Variants in SUGCT observed in about 807,000 individuals in gnomAD.
SUGCT encodes the protein succinyl-CoA:glutarate-CoA transferase.
In SUGCT, 41 loss-of-function variants were observed where a neutral mutation model predicts 55.0. The ratio of observed to expected loss-of-function variants is 0.74; its 90% confidence interval spans 0.58 to 0.97. The LOEUF is 0.97. Ranked by LOEUF, SUGCT falls within the 50% of genes least tolerant of loss-of-function variation. The pLI is 0.00. For missense variants in SUGCT, 568 were observed against 547.8 expected (o/e 1.04, Z -0.37); for synonymous variants, 187 against 200.4 (o/e 0.93, Z 0.56).
At chr7:40,368,194 T>G (rs35718025) in intron 9 of SUGCT, among the ~76,000 whole-genome samples, 1 of 152,102 alleles carries the variant, frequency 6.6e-6, no homozygotes, top group African/African-American at 2.4e-5. Flanking sequence ...TTTTATTTTG[T>G]GATTATTTAT....
chr7:40,797,065 C>A (rs933214461), intron 13 of SUGCT, among the ~76,000 whole-genome samples: 1 of 152,090 alleles, frequency 6.6e-6, no homozygotes, highest in Non-Finnish European at 1.5e-5. Context: ...TGCTCATGAC[C>A]AAGTTTCCTC....
downstream of SUGCT, among the ~76,000 whole-genome samples, chr7:40,864,165 C>G (rs1339461809): frequency 6.6e-6 from 1 of 152,112 alleles, no homozygotes; most frequent in East Asian, 1.9e-4. Flanking sequence ...CTGAAAGTTC[C>G]TTTCAACATC....
chr7:40,365,341 G>T (rs1037122575), intron 9 of SUGCT, among the ~76,000 whole-genome samples: 1 of 151,786 alleles, frequency 6.6e-6, no homozygotes, highest in African/African-American at 2.4e-5. Context: ...CATTCCCTTT[G>T]AAAACTGGCA....
chr7:40,671,047 G>A (rs1801913175), intron 12 of SUGCT, among the ~76,000 whole-genome samples: 1 of 152,280 alleles, frequency 6.6e-6, no homozygotes, highest in African/African-American at 2.4e-5. Flanking sequence ...TATATACCAT[G>A]ACTAAATTGG....
chr7:40,676,856 A>T (rs1409617547), intron 12 of SUGCT, among the ~76,000 whole-genome samples: 1 of 151,678 alleles, frequency 6.6e-6, no homozygotes, highest in East Asian at 1.9e-4. Context: ...AAAAATTGTT[A>T]TAAAAACCAA....
the SUGCT span, among the ~76,000 whole-genome samples, chr7:40,894,081 C>T: frequency 6.7e-6 from 1 of 149,236 alleles, no homozygotes; most frequent in Admixed American, 6.7e-5. Flanking sequence ...AGCTATACTA[C>T]AAGGTTAAGT....
chr7:41,009,622 C>T, the SUGCT span, among the ~76,000 whole-genome samples: 7 of 151,646 alleles, frequency 4.6e-5, no homozygotes, highest in Non-Finnish European at 8.8e-5. Context: ...CTTCCATCCA[C>T]CATCCACCCT....
intron 12 of SUGCT, among the ~76,000 whole-genome samples, chr7:40,621,943 C>T (rs1306236383): frequency 6.6e-6 from 1 of 152,158 alleles, no homozygotes; most frequent in Non-Finnish European, 1.5e-5. Context: ...TTACCTTTGT[C>T]ACAGGCATTT....
rs116348081 is a variant in SUGCT at position 40,224,687 on chromosome 7, G to C, written c.485-12948G>C. Among the ~76,000 whole-genome samples, 884 of 152,240 alleles carry C rather than the reference G, an allele frequency of 5.8e-3. 11 individuals carry two copies. Among genetic ancestry groups the C allele is most frequent in the African/African-American group, 0.02 (815 of 41,550 alleles). On this transcript the variant is annotated intron_variant, in intron 6 of 13. Transcript: ENST00000335693. ...ACATCATAGGCATGCATGGAATACTGTAAATGGCAAAAATATGCACCAGTC... is the reference window on the plus strand; with the variant it reads ...ACATCATAGGCATGCATGGAATACTCTAAATGGCAAAAATATGCACCAGTC...
chr7:40,956,044 G>T, the SUGCT span, among the ~76,000 whole-genome samples: 6 of 152,172 alleles, frequency 3.9e-5, no homozygotes, highest in Non-Finnish European at 5.9e-5. Context: ...ATTTTATTGA[G>T]AATTTTTGCA....
At chr7:40,414,791 C>T (rs1326190843) in intron 9 of SUGCT, among the ~76,000 whole-genome samples, 1 of 151,988 alleles carries the variant, frequency 6.6e-6, no homozygotes, top group Non-Finnish European at 1.5e-5. Context: ...GCCTGTAATT[C>T]CAGCACTTTG....
At chr7:40,872,097 C>G in the SUGCT span, among the ~76,000 whole-genome samples, 1 of 152,084 alleles carries the variant, frequency 6.6e-6, no homozygotes, top group East Asian at 1.9e-4. Context: ...TGATAAACAT[C>G]CAGCAATGCA....
At chr7:40,741,635 A>G (rs530701958) in intron 12 of SUGCT, among the ~76,000 whole-genome samples, 68 of 152,338 alleles carry the variant, frequency 4.5e-4, no homozygotes, top group Middle Eastern at 3.4e-3. Context: ...TGTTGCATGA[A>G]GAGATGGGTT....
Position 40,727,766 on chromosome 7 carries a change from G to A in SUGCT, c.1090-21668G>A, listed in dbSNP as rs76150672. Among the ~76,000 whole-genome samples, 1,418 of 152,264 alleles carry A rather than the reference G, an allele frequency of 9.3e-3. 16 individuals carry two copies. Among genetic ancestry groups the A allele is most frequent in the African/African-American group, 0.032 (1,333 of 41,558 alleles). On this transcript the variant is annotated intron_variant, in intron 12 of 13. Coordinates refer to ENST00000335693, the MANE Select transcript of SUGCT (RefSeq NM_001193313.2). ...TTTGTAAACCTAGGAAAATGCTGTA[G>A]TTCTAGTGCCTATTAAGAAAGAAGT...
In SUGCT at chr7:40,371,397, G is replaced by A. The variant is rs575884972; in HGVS notation, c.816+54542G>A. 2.6e-5 allele frequency among the ~76,000 whole-genome samples: 4 copies of A among 152,240 alleles called. No homozygotes were observed. In the South Asian group the frequency reaches 8.3e-4, roughly 32 times the overall value. ...CATGGTAATTGGTGGTGTCAGGTGA[G>A]GGAAGAGTTGAAAAGATTGACTGTG... is the stretch of plus-strand genomic sequence containing the variant. On this transcript the variant is annotated intron_variant, in intron 9 of 13. Transcript: ENST00000335693.
intron 12 of SUGCT, among the ~76,000 whole-genome samples, chr7:40,554,710 G>A (rs1234680894): frequency 6.6e-6 from 1 of 152,172 alleles, no homozygotes; most frequent in Non-Finnish European, 1.5e-5. Flanking sequence ...CTTAATTTAT[G>A]TCATATATGT....
chr7:40,911,088 T>C, the SUGCT span, among the ~76,000 whole-genome samples: 1 of 152,192 alleles, frequency 6.6e-6, no homozygotes, highest in African/African-American at 2.4e-5. Flanking sequence ...TCGCCATGGC[T>C]GACAGGCATA....
chr7:40,414,629 G>A (rs997384300), intron 9 of SUGCT, among the ~76,000 whole-genome samples: 2 of 152,150 alleles, frequency 1.3e-5, no homozygotes, highest in Admixed American at 6.5e-5. Flanking sequence ...CATGTTGGCT[G>A]GGCGTGGTGG....
rs546623460 is a variant in SUGCT at position 40,449,174 on chromosome 7, G to T, written c.817-113G>T. ...AAAAAGATACAAATTAATCGATATT[G>T]AATTAATAACATTGCTTTAGAACAA... On this transcript the variant is annotated intron_variant, in intron 9 of 13. Coordinates refer to ENST00000335693, the MANE Select transcript of SUGCT (RefSeq NM_001193313.2). The T allele has an allele frequency of 1.1e-4, 74 of 659,974 alleles. No individual in the cohort carries two copies. The African/African-American group carries it at 1.3e-3, about 12-fold the overall frequency. The allele number at this position is 659,974 out of a possible 1,614,324, so 40.9% of individuals were successfully genotyped here.
Sources: allele counts gnomAD v4.1 joint callset (sites outside exome capture counted in the v4.1 genomes callset), GRCh38; gene constraint gnomAD v4.1.1; transcripts MANE v1.5; gene names NCBI Gene and HGNC (gene_info 2026-07-23, HGNC 2026-07-21).